The following DIP2C variants were observed in gnomAD, a reference collection of about 807,000 sequenced individuals.
DIP2C encodes DIP2 acetate--CoA ligase C (putative), also known as disco-interacting protein 2 homolog C.
DIP2C carries 33 observed loss-of-function variants against 192.4 expected under a neutral mutation model. The observed-to-expected ratio is 0.17, with a 90% confidence interval of 0.13 to 0.23. The LOEUF is 0.23. DIP2C is among the 10% of genes least tolerant of loss of function. DIP2C has a pLI of 1.00. For missense variants in DIP2C, 1,537 were observed against 2,110.1 expected (o/e 0.73, Z 5.32); for synonymous variants, 979 against 864.1 (o/e 1.13, Z -2.33).
intron 32 of DIP2C, among the ~76,000 whole-genome samples, chr10:301,394 T>C (rs1413377165): frequency 2.0e-5 from 3 of 151,754 alleles, no homozygotes; most frequent in African/African-American, 4.8e-5. Context: ...CGGTAGATGG[T>C]TGGGGTCTGG....
At chr10:288,128 G>C (rs2132178545) in intron 33 of DIP2C, among the ~76,000 whole-genome samples, 1 of 152,312 alleles carries the variant, frequency 6.6e-6, no homozygotes. Context: ...GAAGGCACCA[G>C]GGCCTCTGCT....
intron 1 of DIP2C, among the ~76,000 whole-genome samples, chr10:565,354 T>TAAAATAAAAAAAAAAAAAAA (rs376030794): frequency 3.5e-5 from 4 of 114,130 alleles, no homozygotes; most frequent in African/African-American, 1.1e-4. Context: ...ACCTGCATTC[T>TAAAATAAAAAAAAAAAAAAA]AAAAAAAAAA....
At chr10:342,939 C>G (rs1219389823) in intron 28 of DIP2C, among the ~76,000 whole-genome samples, 1 of 152,118 alleles carries the variant, frequency 6.6e-6, no homozygotes, top group Non-Finnish European at 1.5e-5. Context: ...CCAAACAAAC[C>G]TCAGAGGAAA....
intron 29 of DIP2C, among the ~76,000 whole-genome samples, chr10:334,296 G>A (rs1181992788): frequency 1.0e-4 from 8 of 80,040 alleles, no homozygotes; most frequent in African/African-American, 4.2e-4. Flanking sequence ...GACAGAGCAA[G>A]ACTGTCTCAA....
At chr10:600,310 A>G (rs892193307) in intron 1 of DIP2C, among the ~76,000 whole-genome samples, 6 of 152,204 alleles carry the variant, frequency 3.9e-5, no homozygotes, top group Non-Finnish European at 7.3e-5. Context: ...ACACAGCCTC[A>G]GCACAACCTC....
At chr10:465,402 C>T (rs1050597048) in intron 3 of DIP2C, among the ~76,000 whole-genome samples, 83 of 151,276 alleles carry the variant, frequency 5.5e-4, no homozygotes, top group African/African-American at 2.0e-3. Context: ...ATAATAAGAG[C>T]TATCTATGAC....
chr10:391,633 C>T (rs1963463635), intron 10 of DIP2C, among the ~76,000 whole-genome samples: 1 of 152,226 alleles, frequency 6.6e-6, no homozygotes, highest in Non-Finnish European at 1.5e-5. Context: ...GTGGGTTTTC[C>T]ATTATTTGAT....
At chr10:396,174 C>A (rs955724539) in intron 10 of DIP2C, among the ~76,000 whole-genome samples, 2 of 152,220 alleles carry the variant, frequency 1.3e-5, no homozygotes, top group African/African-American at 4.8e-5. Context: ...GTCTCTACTA[C>A]CATTCAAAGG....
intron 9 of DIP2C, among the ~76,000 whole-genome samples, chr10:406,568 G>A (rs910307154): frequency 6.6e-6 from 1 of 151,790 alleles, no homozygotes; most frequent in Non-Finnish European, 1.5e-5. Flanking sequence ...GCTGTCCCTT[G>A]TTCAATCCTG....
At chr10:650,404 A>G in intron 1 of DIP2C, 1 of 715,840 alleles carries the variant, frequency 1.4e-6, no homozygotes, top group Non-Finnish European at 2.6e-6. Context: ...CCCCAGACCA[A>G]CACGAGAAGA....
At chr10:287,062 G>T (rs1955179027) in intron 33 of DIP2C, among the ~76,000 whole-genome samples, 1 of 152,014 alleles carries the variant, frequency 6.6e-6, no homozygotes, top group African/African-American at 2.4e-5. Flanking sequence ...TTTTCCTGCA[G>T]GTAAACATCT....
At chr10:353,117 T>C (rs985567050) in intron 24 of DIP2C, among the ~76,000 whole-genome samples, 3 of 152,052 alleles carry the variant, frequency 2.0e-5, no homozygotes, top group Non-Finnish European at 4.4e-5. Flanking sequence ...ATCAGAGAAA[T>C]GAGGGCTGGC....
intron 1 of DIP2C, among the ~76,000 whole-genome samples, chr10:515,317 A>C (rs1205220566): frequency 2.6e-5 from 4 of 152,358 alleles, no homozygotes; most frequent in African/African-American, 9.6e-5. Flanking sequence ...CTATATTTTT[A>C]ACATATGCAT....
chr10:397,779 G>C (rs139537006), intron 10 of DIP2C, among the ~76,000 whole-genome samples: 2 of 152,222 alleles, frequency 1.3e-5, no homozygotes, highest in African/African-American at 4.8e-5. Flanking sequence ...ATTGGTATGA[G>C]CGTAAGCCAA....
intron 3 of DIP2C, among the ~76,000 whole-genome samples, chr10:464,205 G>C (rs1009271079): frequency 1.3e-5 from 2 of 152,104 alleles, no homozygotes; most frequent in Admixed American, 6.5e-5. Flanking sequence ...AGAGTGAACA[G>C]GCAACCTACA....
At chr10:555,826 T>C (rs530531341) in intron 1 of DIP2C, among the ~76,000 whole-genome samples, 1 of 152,104 alleles carries the variant, frequency 6.6e-6, no homozygotes, top group African/African-American at 2.4e-5. Context: ...CGGCGTCCAG[T>C]CTCCGTTCCA....
chr10:624,346 C>A (rs1463311450), intron 1 of DIP2C, among the ~76,000 whole-genome samples: 1 of 152,208 alleles, frequency 6.6e-6, no homozygotes, highest in Non-Finnish European at 1.5e-5. Context: ...GTGGGACCGT[C>A]TAGGGGAGCC....
At chr10:490,836 AGAG>A (rs1844383737) in intron 1 of DIP2C, among the ~76,000 whole-genome samples, 2 of 152,236 alleles carry the variant, frequency 1.3e-5, no homozygotes, top group Non-Finnish European at 2.9e-5. Context: ...AAAATCACAA[AGAG>A]GAGAGATTTA....
intron 1 of DIP2C, among the ~76,000 whole-genome samples, chr10:601,812 T>C (rs1371585158): frequency 6.6e-6 from 1 of 151,984 alleles, no homozygotes; most frequent in Non-Finnish European, 1.5e-5. Flanking sequence ...GGCGATGGGG[T>C]GGCTGATCGG....
Sources: gnomAD v4.1 joint callset for allele counts (sites outside exome capture counted in the v4.1 genomes callset) on GRCh38, gnomAD v4.1.1 for gene constraint, MANE v1.5 for transcripts, NCBI Gene and HGNC (gene_info 2026-07-23, HGNC 2026-07-21) for gene names.